Variants in CP observed in about 807,000 individuals in gnomAD.
The protein encoded by CP is ceruloplasmin, also known as caeruloplasmin.
Under a neutral mutation model 122.4 loss-of-function variants are expected in CP, and 64 were observed. The observed-to-expected ratio is 0.52, with a 90% CI of 0.43 to 0.64. The LOEUF (loss-of-function observed/expected upper bound fraction) is 0.64, where lower values mean the gene tolerates loss of function less well. Among genes scored for constraint, CP ranks in the 30% least tolerant of loss-of-function variants. The probability of loss-of-function intolerance (pLI) is 0.00; values close to 1 mark genes in which losing one functional copy is unlikely to be tolerated. For missense variants in CP, 1,167 were observed against 1,284.4 expected (o/e 0.91, Z 1.40); for synonymous variants, 440 against 436.4 (o/e 1.01, Z -0.10).
Position 149,183,579 on chromosome 3 carries a change from CCCTT to C in CP, c.2308_2311del (p.Lys770GlufsTer5). ...GTACTTTGAGCCTATGTAAAACTCT[CCCTT>C]ATCTAAAAATGCATTTGAAACACTT... On this transcript the variant is annotated frameshift_variant, in exon 13 of 19. Coordinates refer to ENST00000264613, the MANE Select transcript of CP (RefSeq NM_000096.4). LOFTEE classifies it high-confidence loss of function. 6.2e-7 allele frequency: 1 copy of C among 1,600,690 alleles called. No homozygotes were observed. Among genetic ancestry groups the C allele is most frequent in the Non-Finnish European group, 8.5e-7 (1 of 1,171,192 alleles).
intron 14 of CP, 138 bp downstream of exon 14, chr3:149,181,867 A>T: frequency 1.1e-6 from 1 of 947,428 alleles, no homozygotes; most frequent in Non-Finnish European, 1.7e-6. Flanking sequence ...ATACACACAG[A>T]CACCTCCTTG....
intron 1 of CP, among the ~76,000 whole-genome samples, chr3:149,216,176 C>A (rs1314403172): frequency 6.6e-6 from 1 of 152,136 alleles, no homozygotes. Flanking sequence ...AAACAACACC[C>A]ATTTATAATC....
At chr3:149,216,048 C>T (rs1404052784) in intron 1 of CP, among the ~76,000 whole-genome samples, 1 of 152,184 alleles carries the variant, frequency 6.6e-6, no homozygotes, top group African/African-American at 2.4e-5. Flanking sequence ...TTGGTTTATG[C>T]TTAGACGTGG....
intron 17 of CP, among the ~76,000 whole-genome samples, chr3:149,176,931 A>T (rs1313293704): frequency 6.6e-6 from 1 of 152,220 alleles, no homozygotes; most frequent in African/African-American, 2.4e-5. Context: ...TAGAATTGAA[A>T]GCCCACTAAG....
In CP at chr3:149,177,861, G is replaced by A. The variant is rs147475926; in HGVS notation, c.2997C>T (p.His999=). 3.4e-4 allele frequency: 556 copies of A among 1,613,694 alleles called. 2 individuals are homozygous for A. The East Asian group carries it at 9.2e-3, about 27-fold the overall frequency. Residue 999 remains histidine (H), a synonymous_variant, in exon 17 of 19, where the codon CAC becomes CAT. Transcript: ENST00000264613. ...NEIDLHTVHF[H]GHSFQYKHRG... ...TTACCTTGTATTGGAAGCTATGGCC[G>A]TGAAAATGTACAGTGTGTAAGTCTA...
At chr3:149,167,910 A>G, downstream of CP, 1 of 1,603,450 alleles carries the variant, frequency 6.2e-7, no homozygotes, top group Non-Finnish European at 8.5e-7. Flanking sequence ...GGTGGAAAAA[A>G]CTGTTGCCTG....
chr3:149,178,587 T>C lies in CP; in HGVS notation c.2706A>G (p.Arg902=). 1 of 1,613,388 alleles carries C rather than the reference T, an allele frequency of 6.2e-7. No homozygotes were observed. The highest frequency in any genetic ancestry group is 8.5e-7 in the Non-Finnish European group (1 of 1,179,680). ...TGGGATTGAATACTTTCAAGTAAGG[T>C]CTTCGACAAACAATCAGGGGGCCAA... is the stretch of plus-strand genomic sequence containing the variant. The part of the protein sequence containing the change: ...GLIGPLIVCR[R]PYLKVFNPRR... Residue 902 remains arginine, a synonymous_variant, in exon 16 of 19, where the codon AGA becomes AGG. Coordinates refer to ENST00000264613, the MANE Select transcript of CP (RefSeq NM_000096.4).
intron 5 of CP, among the ~76,000 whole-genome samples, chr3:149,165,620 G>A (rs1724340018): frequency 6.6e-6 from 1 of 152,084 alleles, no homozygotes; most frequent in African/African-American, 2.4e-5. Context: ...GGGATTACAG[G>A]TGTGAGTCAC....
At chr3:149,168,507 G>C (rs1451661007), downstream of CP, 1 of 158,694 alleles carries the variant, frequency 6.3e-6, no homozygotes, top group Non-Finnish European at 1.4e-5. Flanking sequence ...ACTGCTGTGT[G>C]TTAATATAAT....
At chr3:149,185,086 G>A in intron 12 of CP, 153 bp downstream of exon 12, 1 of 712,164 alleles carries the variant, frequency 1.4e-6, no homozygotes, top group Non-Finnish European at 2.4e-6. Flanking sequence ...ATAAGGACAA[G>A]TTCCTAGGAA....
intron 5 of CP, among the ~76,000 whole-genome samples, chr3:149,163,272 G>C (rs1239523310): frequency 2.0e-5 from 3 of 152,170 alleles, no homozygotes; most frequent in Admixed American, 6.5e-5. Context: ...CTGTGGGAGG[G>C]AGACTGCCTT....
At chr3:149,176,847 C>CA (rs1725453823) in intron 17 of CP, 1 of 161,236 alleles carries the variant, frequency 6.2e-6, no homozygotes, top group Admixed American at 6.1e-5. Context: ...ATGAAAACGA[C>CA]AAAAACCAGA....
In CP at chr3:149,212,310, A is replaced by T. The variant is rs35529745; in HGVS notation, c.394+141T>A. The T allele has an allele frequency of 4.1e-3, 3,375 of 817,574 alleles. 71 individuals are homozygous for T. The African/African-American group carries it at 0.048, about 12-fold the overall frequency. 50.6% of individuals were successfully genotyped at this position (817,574 alleles called of 1,614,324 possible). A position where few individuals can be genotyped will look rare whatever the true frequency, so the allele number is the denominator to read the frequency against. ...TGGGTGACAGAAGTCAAAAAAAATT[A>T]AAAAAAAATAAAAAAAAAATAGTTA... On this transcript the variant is annotated intron_variant, in intron 2 of 18. Coordinates refer to ENST00000264613, the MANE Select transcript of CP (RefSeq NM_000096.4).
At chr3:149,179,705 A>G (rs773510955) in intron 14 of CP, 43 bp from the exon 15 acceptor site, 2 of 969,498 alleles carry the variant, frequency 2.1e-6, no homozygotes, top group Non-Finnish European at 3.2e-6. Flanking sequence ...TATTTGGTTT[A>G]TATTGTACAC....
Position 149,185,579 on chromosome 3 carries a change from C to T in CP, c.2078-133G>A, listed in dbSNP as rs144922439. On this transcript the variant is annotated intron_variant, in intron 11 of 18. Coordinates refer to ENST00000264613, the MANE Select transcript of CP (RefSeq NM_000096.4). ...TAGCTTTCCACACCTTCTGCTCACC[C>T]TGCTCCATCCATCCTTTTGCTGTTC... is the stretch of plus-strand genomic sequence containing the variant. The T allele has an allele frequency of 1.1e-3, 847 of 773,736 alleles. 8 individuals carry two copies. In the African/African-American group the frequency reaches 0.013, roughly 12 times the overall value. 47.9% of individuals were successfully genotyped at this position (773,736 alleles called of 1,614,324 possible). A position where few individuals can be genotyped will look rare whatever the true frequency, so the allele number is the denominator to read the frequency against.
intron 7 of CP, among the ~76,000 whole-genome samples, chr3:149,201,126 T>TTGAG (rs1486246286): frequency 8.5e-5 from 13 of 152,068 alleles, no homozygotes; most frequent in Admixed American, 2.6e-4. Flanking sequence ...GATTGATTGA[T>TTGAG]TGATTGATTG....
At chr3:149,198,861 C>G (rs1345769671) in intron 8 of CP, among the ~76,000 whole-genome samples, 4 of 152,178 alleles carry the variant, frequency 2.6e-5, no homozygotes, top group African/African-American at 7.2e-5. Flanking sequence ...GTATTTCTCT[C>G]GAACAGAGCT....
chr3:149,171,272 G>A (rs987918708), downstream of CP, among the ~76,000 whole-genome samples: 25 of 146,536 alleles, frequency 1.7e-4, no homozygotes, highest in African/African-American at 4.6e-4. Context: ...GCGAGACTCC[G>A]TCTCAAAAAA....
chr3:149,171,744 A>G (rs1480213420), downstream of CP, among the ~76,000 whole-genome samples: 1 of 127,064 alleles, frequency 7.9e-6, no homozygotes, highest in Non-Finnish European at 1.6e-5. Context: ...TTGCTCTGTC[A>G]CCTAGGCTGG....
Sources: allele counts gnomAD v4.1 joint callset (sites outside exome capture counted in the v4.1 genomes callset), GRCh38; gene constraint gnomAD v4.1.1; transcripts MANE v1.5; gene names NCBI Gene and HGNC (gene_info 2026-07-23, HGNC 2026-07-21).